The following CPVL variants were observed in gnomAD, a reference collection of about 807,000 sequenced individuals.
CPVL encodes carboxypeptidase vitellogenic like, also known as probable serine carboxypeptidase CPVL.
In CPVL, 51 loss-of-function variants were observed where a neutral mutation model predicts 63.7. The observed-to-expected ratio is 0.80, with a 90% CI of 0.64 to 1.01. The LOEUF is 1.01. CPVL is among the 50% of genes least tolerant of loss of function. CPVL has a pLI of 0.00. For synonymous variants in CPVL, 195 were observed against 206.0 expected (o/e 0.95, Z 0.46); for missense variants, 530 against 573.1 (o/e 0.92, Z 0.77).
intron 1 of CPVL, among the ~76,000 whole-genome samples, chr7:29,139,129 C>T (rs568883264): frequency 1.2e-4 from 18 of 152,260 alleles, no homozygotes; most frequent in South Asian, 2.1e-4. Flanking sequence ...AGGATGGCTG[C>T]GGGCTCCCTA....
chr7:29,111,430 C>T (rs1450515577), intron 3 of CPVL, among the ~76,000 whole-genome samples: 1 of 152,188 alleles, frequency 6.6e-6, no homozygotes, highest in Non-Finnish European at 1.5e-5. Flanking sequence ...CCAGTGCTGA[C>T]CTTGCACTTG....
chr7:29,127,386 A>G (rs994967158), intron 1 of CPVL: 3 of 152,142 alleles, frequency 2.0e-5, no homozygotes, highest in African/African-American at 7.2e-5. Context: ...TGATTGCTTT[A>G]TATTTTTTAT....
In CPVL at chr7:29,064,179, T is replaced by C. The variant is rs1399943297; in HGVS notation, c.1019A>G (p.Gln340Arg). The change falls in exon 11 of 13, where the codon CAA becomes CGA. Residue 340 changes from glutamine to arginine, a missense_variant. Physicochemically the swap from Gln to Arg is conservative, Grantham distance 43. Transcript: ENST00000265394. Reference protein sequence around the residue: ...VKFLSLPEVRQAIHVGNQTFN... With the variant: ...VKFLSLPEVRRAIHVGNQTFN... ...AGTCTGATTCCCCACGTGGATGGCT[T>C]GTCTCACCTCTGGGAGTGACAAAAA... The C allele has an allele frequency of 6.2e-7, 1 of 1,613,494 alleles. No individual in the cohort carries two copies. The highest frequency in any genetic ancestry group is 2.2e-5 in the East Asian group (1 of 44,866).
Position 28,995,311 on chromosome 7 carries a change from A to G in CPVL, c.*461T>C, listed in dbSNP as rs1294004664. The stretch of plus-strand genomic sequence containing the variant: ...TACATTTGAGAATCTTTTCCCCAAA[A>G]CTATTATAGCTTCATCCATTTATTT... On this transcript the variant is annotated 3_prime_UTR_variant, in exon 13 of 13. Coordinates refer to ENST00000265394, the MANE Select transcript of CPVL (RefSeq NM_031311.5). 1 of 153,072 alleles carries G rather than the reference A, an allele frequency of 6.5e-6. No homozygotes were observed. Among genetic ancestry groups the G allele is most frequent in the Non-Finnish European group, 1.5e-5 (1 of 68,698 alleles). The allele number at this position is 153,072 out of a possible 1,614,324, so 9.5% of individuals were successfully genotyped here. A position where few individuals can be genotyped will look rare whatever the true frequency, so the allele number is the denominator to read the frequency against.
At chr7:29,147,114 CA>C (rs2128682734), upstream of CPVL, 3 of 1,042,150 alleles carry the variant, frequency 2.9e-6, no homozygotes, top group South Asian at 1.6e-5. Flanking sequence ...TCCAGGGTCA[CA>C]TTGCTTGTAA....
intron 1 of CPVL, among the ~76,000 whole-genome samples, chr7:29,131,674 A>G (rs1790714344): frequency 6.6e-6 from 1 of 152,068 alleles, no homozygotes; most frequent in Non-Finnish European, 1.5e-5. Context: ...CACCACACCC[A>G]GCTAATTTTT....
At position 29,071,792 on chromosome 7, in the gene CPVL, T is replaced by C; in HGVS notation, c.845A>G (p.Asn282Ser). The change falls in exon 9 of 13, where the codon AAC (asparagine) becomes AGC (serine). Residue 282 changes from asparagine (N) to serine (S), a missense_variant. Transcript: ENST00000265394. ...ACTCACTTCAAAGGCCTCAAACCAGTTCTGCTTCCTGATGTGTTCTATGCA... is the reference window on the plus strand; with the variant it reads ...ACTCACTTCAAAGGCCTCAAACCAGCTCTGCTTCCTGATGTGTTCTATGCA... Reference protein sequence around the residue: ...HECIEHIRKQNWFEAFEILDK... With the variant: ...HECIEHIRKQSWFEAFEILDK... 1 of 1,453,004 alleles carries C rather than the reference T, an allele frequency of 6.9e-7. No individual in the cohort carries two copies. The highest frequency in any genetic ancestry group is 9.3e-7 in the Non-Finnish European group (1 of 1,079,830). The allele number at this position is 1,453,004 out of a possible 1,614,324, so 90.0% of individuals were successfully genotyped here.
chr7:29,125,581 C>T (rs1003201672), intron 1 of CPVL, among the ~76,000 whole-genome samples: 5 of 151,754 alleles, frequency 3.3e-5, no homozygotes, highest in African/African-American at 9.7e-5. Flanking sequence ...TTAGTAGAGG[C>T]GGGGTTTCAC....
chr7:29,104,802 T>C (rs1405694853), intron 3 of CPVL, among the ~76,000 whole-genome samples: 1 of 152,060 alleles, frequency 6.6e-6, no homozygotes, highest in Non-Finnish European at 1.5e-5. Flanking sequence ...TGCAGGGAGG[T>C]GTGGAGAAGA....
At chr7:29,055,701 C>T (rs1439901426) in intron 11 of CPVL, among the ~76,000 whole-genome samples, 2 of 152,228 alleles carry the variant, frequency 1.3e-5, no homozygotes, top group African/African-American at 4.8e-5. Context: ...CAGCTGCCAG[C>T]TGCCAGCCCA....
chr7:29,068,975 G>A (rs1298856487), intron 9 of CPVL, among the ~76,000 whole-genome samples: 2 of 151,292 alleles, frequency 1.3e-5, no homozygotes, highest in Non-Finnish European at 2.9e-5. Flanking sequence ...GAGCCACTGC[G>A]CCCGGCCGAG....
At chr7:29,002,382 A>G (rs747518556) in intron 12 of CPVL, among the ~76,000 whole-genome samples, 2 of 152,170 alleles carry the variant, frequency 1.3e-5, no homozygotes, top group Non-Finnish European at 2.9e-5. Flanking sequence ...CTCAATCCCA[A>G]ACTTTATCAA....
chr7:29,088,994 A>C (rs143195503), intron 6 of CPVL, among the ~76,000 whole-genome samples: 32 of 152,248 alleles, frequency 2.1e-4, no homozygotes, highest in Admixed American at 4.6e-4. Flanking sequence ...ATAATACATA[A>C]GCATGTGTGT....
chr7:29,122,598 A>G (rs542729675), intron 1 of CPVL: 7 of 152,268 alleles, frequency 4.6e-5, no homozygotes, highest in Non-Finnish European at 8.8e-5. Context: ...CAAGGAAAAA[A>G]ATCCTTGTCA....
At chr7:29,149,115 C>G (rs1264182359), upstream of CPVL, among the ~76,000 whole-genome samples, 1 of 149,970 alleles carries the variant, frequency 6.7e-6, no homozygotes, top group Non-Finnish European at 1.5e-5. Context: ...CTGGAGCCAG[C>G]TTGGAAAGGG....
At chr7:29,028,935 C>T (rs1787755319) in intron 12 of CPVL, among the ~76,000 whole-genome samples, 1 of 146,802 alleles carries the variant, frequency 6.8e-6, no homozygotes. Context: ...CCACGGCACT[C>T]CAGCCTGGGC....
chr7:29,010,448 G>A (rs1785702170), intron 12 of CPVL: 1 of 151,888 alleles, frequency 6.6e-6, no homozygotes, highest in Non-Finnish European at 1.5e-5. Flanking sequence ...GGGACTCAAT[G>A]CTTTAGAAAC....
At chr7:29,099,026 T>C (rs1014722363) in intron 3 of CPVL, among the ~76,000 whole-genome samples, 3 of 151,934 alleles carry the variant, frequency 2.0e-5, no homozygotes, top group East Asian at 1.9e-4. Flanking sequence ...GATTGCGCCA[T>C]TGCACTCCAG....
intron 11 of CPVL, among the ~76,000 whole-genome samples, chr7:29,035,348 A>G (rs1207808520): frequency 6.6e-6 from 1 of 152,212 alleles, no homozygotes; most frequent in African/African-American, 2.4e-5. Context: ...GAAAAGAGCT[A>G]AAGTTCCTTC....
Sources: gnomAD v4.1 joint callset for allele counts (sites outside exome capture counted in the v4.1 genomes callset) on GRCh38, gnomAD v4.1.1 for gene constraint, MANE v1.5 for transcripts, NCBI Gene and HGNC (gene_info 2026-07-23, HGNC 2026-07-21) for gene names.